The following TRAPPC9 variants were observed in gnomAD, a reference collection of about 807,000 sequenced individuals.
TRAPPC9 encodes trafficking protein particle complex subunit 9, also known as IKK2 binding protein.
A neutral mutation model predicts 124.0 loss-of-function variants in TRAPPC9; 83 were observed. The observed-to-expected ratio is 0.67, with a 90% CI of 0.56 to 0.80. The LOEUF (loss-of-function observed/expected upper bound fraction) is 0.80, where lower values mean the gene tolerates loss of function less well. Ranked by LOEUF, TRAPPC9 falls within the 30% of genes least tolerant of loss-of-function variation. TRAPPC9 has a pLI of 0.00. For missense variants in TRAPPC9, 1,302 were observed against 1,508.3 expected, an observed-to-expected ratio of 0.86 and a Z score of 2.27; for synonymous variants, 638 against 617.5, an observed-to-expected ratio of 1.03 and a Z score of -0.49.
intron 17 of TRAPPC9, among the ~76,000 whole-genome samples, chr8:140,131,806 G>A (rs1587774345): frequency 6.6e-6 from 1 of 152,120 alleles, no homozygotes; most frequent in African/African-American, 2.4e-5. Context: ...ACATCTCACC[G>A]ACTTCAAGGT....
Position 140,216,238 on chromosome 8 carries a change from C to T in TRAPPC9, c.2556+5221G>A, listed in dbSNP as rs915699299. Among the ~76,000 whole-genome samples the T allele has an allele frequency of 1.3e-5, 2 of 152,162 alleles. No individual in the cohort carries two copies. Among genetic ancestry groups the T allele is most frequent in the African/African-American group, 4.8e-5 (2 of 41,438 alleles). ...TGCAAGTGCCTGATATGCAAGAGTT[C>T]CTCGGTAAACGGTAATGATATTTTA... On this transcript the variant is annotated intron_variant, in intron 17 of 22. Transcript: ENST00000438773. The surrounding 1 kb of genome is among the most constrained non-coding windows in gnomAD (Gnocchi z 4.1).
chr8:139,752,974 C>CCCAT (rs373630581), intron 21 of TRAPPC9, among the ~76,000 whole-genome samples: 2 of 148,472 alleles, frequency 1.3e-5, no homozygotes, highest in Admixed American at 6.7e-5. Flanking sequence ...CCAAAATCTA[C>CCCAT]CCATCCATCC....
intron 17 of TRAPPC9, among the ~76,000 whole-genome samples, chr8:140,148,537 G>A (rs2061494917): frequency 6.6e-6 from 1 of 152,130 alleles, no homozygotes; most frequent in South Asian, 2.1e-4. Context: ...GCCATAAATA[G>A]TCCACATTGA....
chr8:139,960,977 C>T (rs923690096), intron 19 of TRAPPC9, among the ~76,000 whole-genome samples: 1 of 125,446 alleles, frequency 8.0e-6, no homozygotes, highest in African/African-American at 2.5e-5. Context: ...TACCAAGTTC[C>T]ATAAAACAAG....
intron 7 of TRAPPC9, among the ~76,000 whole-genome samples, chr8:140,393,031 A>ATTTTTTTTTATTTTATTTT (rs869235393): frequency 7.0e-6 from 1 of 141,878 alleles, no homozygotes; most frequent in Non-Finnish European, 1.5e-5. Context: ...TTCCCATTTT[A>ATTTTTTTTTATTTTATTTT]TTTTTATTTT....
At chr8:140,136,111 G>C (rs1045750657) in intron 17 of TRAPPC9, among the ~76,000 whole-genome samples, 1 of 152,168 alleles carries the variant, frequency 6.6e-6, no homozygotes, top group East Asian at 1.9e-4. Flanking sequence ...CAGTGATTTG[G>C]AGAGGGAGGT....
intron 17 of TRAPPC9, among the ~76,000 whole-genome samples, chr8:140,147,817 A>C (rs981641610): frequency 7.2e-5 from 11 of 152,224 alleles, no homozygotes; most frequent in Admixed American, 6.5e-4. Flanking sequence ...CGAAGTAGAG[A>C]CCTCAGCAAA....
At chr8:140,015,028 G>A (rs1839373159) in intron 18 of TRAPPC9, among the ~76,000 whole-genome samples, 1 of 152,232 alleles carries the variant, frequency 6.6e-6, no homozygotes, top group South Asian at 2.1e-4. Context: ...ACTACCCCAG[G>A]AGTAAATAAC....
intron 17 of TRAPPC9, among the ~76,000 whole-genome samples, chr8:140,113,048 A>T (rs184609020): frequency 6.6e-6 from 1 of 152,080 alleles, no homozygotes; most frequent in East Asian, 1.9e-4. Context: ...TCTTCCACAT[A>T]ATTTTTCCTT....
intron 19 of TRAPPC9, among the ~76,000 whole-genome samples, chr8:139,973,311 C>A (rs940073218): frequency 6.6e-6 from 1 of 152,186 alleles, no homozygotes; most frequent in Non-Finnish European, 1.5e-5. Context: ...CGGGCCAGCG[C>A]CCCTGGACAG....
At chr8:140,132,454 C>T (rs2061225690) in intron 17 of TRAPPC9, among the ~76,000 whole-genome samples, 1 of 152,134 alleles carries the variant, frequency 6.6e-6, no homozygotes, top group Non-Finnish European at 1.5e-5. Flanking sequence ...AGTAGATTGC[C>T]ATCATCTTCC....
At chr8:140,164,739 T>C (rs2061805002) in intron 17 of TRAPPC9, among the ~76,000 whole-genome samples, 1 of 152,104 alleles carries the variant, frequency 6.6e-6, no homozygotes, top group South Asian at 2.1e-4. Flanking sequence ...CTGCCACTCT[T>C]CCCTCCATCC....
intron 21 of TRAPPC9, among the ~76,000 whole-genome samples, chr8:139,827,713 G>A (rs189524693): frequency 4.0e-4 from 61 of 152,330 alleles, no homozygotes; most frequent in Middle Eastern, 3.4e-3. Context: ...GGAGGAGCTC[G>A]GTGCCAGGCT....
intron 21 of TRAPPC9, among the ~76,000 whole-genome samples, chr8:139,745,494 C>T (rs972260538): frequency 2.0e-5 from 3 of 152,258 alleles, no homozygotes; most frequent in Non-Finnish European, 2.9e-5. Flanking sequence ...GCGGCTCCAG[C>T]TCAGCTCCGC....
In TRAPPC9 at chr8:139,984,047, T is replaced by A. The variant is rs1837084248; in HGVS notation, c.2810+4679A>T. Among the ~76,000 whole-genome samples, 1 of 152,168 alleles carries A rather than the reference T, an allele frequency of 6.6e-6. No individual in the cohort carries two copies. Among genetic ancestry groups the A allele is most frequent in the Non-Finnish European group, 1.5e-5 (1 of 68,032 alleles). ...TCCTCCTCGTGCTGTTGGGGACACA[T>A]TTCTATCCATAGCTCTTGCACTGGG... On this transcript the variant is annotated intron_variant, in intron 19 of 22. Coordinates refer to ENST00000438773, the MANE Select transcript of TRAPPC9 (RefSeq NM_001160372.4). The surrounding 1 kb of genome is among the most constrained non-coding windows in gnomAD (Gnocchi z 4.3).
chr8:140,344,254 C>T (rs1252468851), intron 9 of TRAPPC9, among the ~76,000 whole-genome samples: 1 of 152,178 alleles, frequency 6.6e-6, no homozygotes, highest in African/African-American at 2.4e-5. Flanking sequence ...ACTTCCAGCC[C>T]CCCGAGCTGT....
At chr8:140,020,543 T>G (rs1839775648) in intron 18 of TRAPPC9, among the ~76,000 whole-genome samples, 1 of 152,054 alleles carries the variant, frequency 6.6e-6, no homozygotes, top group Non-Finnish European at 1.5e-5. Context: ...GGACAATCAC[T>G]TGAGCCCAGG....
intron 9 of TRAPPC9, among the ~76,000 whole-genome samples, chr8:140,345,545 T>G (rs1022408257): frequency 1.2e-4 from 18 of 152,212 alleles, no homozygotes; most frequent in African/African-American, 3.9e-4. Context: ...CTCCTCGGAT[T>G]GCTAGGATGG....
intron 6 of TRAPPC9, among the ~76,000 whole-genome samples, chr8:140,398,590 T>C (rs192489055): frequency 2.4e-4 from 37 of 152,260 alleles, no homozygotes; most frequent in African/African-American, 8.9e-4. Context: ...GCCCTGGAGA[T>C]TTGTGGAACT....
Sources: gnomAD v4.1 joint callset for allele counts (sites outside exome capture counted in the v4.1 genomes callset) on GRCh38, gnomAD v4.1.1 for gene constraint, Gnocchi (gnomAD v3.1) non-coding constraint, MANE v1.5 for transcripts, NCBI Gene and HGNC (gene_info 2026-07-23, HGNC 2026-07-21) for gene names.